The following MSL2 variants were observed in gnomAD, a reference collection of about 807,000 sequenced individuals.
The protein encoded by MSL2 is MSL complex subunit 2.
In MSL2, 2 loss-of-function variants were observed where a neutral mutation model predicts 35.8. The observed-to-expected ratio is 0.06, with a 90% confidence interval of 0.02 to 0.18. MSL2 has a LOEUF of 0.18. Ranked by LOEUF, MSL2 falls within the 10% of genes least tolerant of loss-of-function variation. The pLI is 1.00. For missense variants in MSL2, 523 were observed against 706.7 expected, an observed-to-expected ratio of 0.74 and a Z score of 2.95; for synonymous variants, 296 against 255.7, an observed-to-expected ratio of 1.16 and a Z score of -1.50.
Position 136,195,923 on chromosome 3 carries a change from T to A in MSL2, c.-810A>T. 1 of 629,558 alleles carries A rather than the reference T, an allele frequency of 1.6e-6. No homozygotes were observed. The highest frequency in any genetic ancestry group is 2.0e-6 in the Non-Finnish European group (1 of 506,642). 39.0% of individuals were successfully genotyped at this position (629,558 alleles called of 1,614,324 possible). A position where few individuals can be genotyped will look rare whatever the true frequency, so the allele number is the denominator to read the frequency against. On this transcript the variant is annotated 5_prime_UTR_variant, in exon 1 of 2. Coordinates refer to ENST00000309993, the MANE Select transcript of MSL2 (RefSeq NM_018133.4). ...CGCGGCGGCGCCCCTCGCGCCTCAG[T>A]CGCACACTCCGGGGTCACCAGACTC... is the stretch of plus-strand genomic sequence containing the variant.
In MSL2 at chr3:136,151,988, A is replaced by G. The variant is rs996575678; in HGVS notation, c.893T>C (p.Val298Ala). 1.2e-6 allele frequency: 2 copies of G among 1,614,238 alleles called. No individual in the cohort carries two copies. Among genetic ancestry groups the G allele is most frequent in the East Asian group, 2.2e-5 (1 of 44,888 alleles). Residue 298 changes from valine to alanine, a missense_variant, in exon 2 of 2, where the codon GTA (valine) becomes GCA (alanine). Physicochemically the swap from Val to Ala is moderately conservative, Grantham distance 64. Coordinates refer to ENST00000309993, the MANE Select transcript of MSL2 (RefSeq NM_018133.4). This position sits in a 1 kb window ranked among gnomAD's most constrained non-coding sequence, Gnocchi z 5.2. ...AAGCTGCAGAAAAGGTCCATTGGAT[A>G]CAGTGGCTTCCAAGTTCGGCTGCAA... ...PNLQPNLEAT[V>A]SNGPFLQLSS...
chr3:136,178,669 A>G (rs1940251109), intron 1 of MSL2, among the ~76,000 whole-genome samples: 1 of 151,256 alleles, frequency 6.6e-6, no homozygotes. Flanking sequence ...AGTAGCTGGG[A>G]AATTACAGGC....
intron 1 of MSL2, among the ~76,000 whole-genome samples, chr3:136,193,436 G>A (rs1390085597): frequency 4.6e-5 from 7 of 152,036 alleles, no homozygotes; most frequent in African/African-American, 1.7e-4. Context: ...CAGCAGGACA[G>A]AGTGGGCCCT....
intron 1 of MSL2, among the ~76,000 whole-genome samples, chr3:136,177,852 G>GAAA (rs955742115): frequency 6.6e-6 from 1 of 152,068 alleles, no homozygotes; most frequent in African/African-American, 2.4e-5. Flanking sequence ...TGGAGGTGAA[G>GAAA]AAAAAGAACA....
At chr3:136,192,919 T>C (rs531346800) in intron 1 of MSL2, among the ~76,000 whole-genome samples, 31 of 152,296 alleles carry the variant, frequency 2.0e-4, no homozygotes, top group Admixed American at 1.2e-3. Flanking sequence ...TTTTTTTCTA[T>C]GTCTTTATAA....
At chr3:136,166,366 C>G (rs1239208577) in intron 1 of MSL2, among the ~76,000 whole-genome samples, 1 of 150,886 alleles carries the variant, frequency 6.6e-6, no homozygotes, top group Non-Finnish European at 1.5e-5. Context: ...CCAGCCTGGG[C>G]GACAGAGCGA....
Position 136,195,995 on chromosome 3 carries a change from A to C in MSL2, c.-882T>G. On this transcript the variant is annotated 5_prime_UTR_variant, in exon 1 of 2. Transcript: ENST00000309993. Reference sequence around the variant, plus strand: ...CGGCCATTTTTTCGGCGCCACACACACAGACGACTCCTCCGCCGAGCACGA... The same window carrying C: ...CGGCCATTTTTTCGGCGCCACACACCCAGACGACTCCTCCGCCGAGCACGA... 5.1e-6 allele frequency: 1 copy of C among 195,428 alleles called. No individual in the cohort carries two copies. Among genetic ancestry groups the C allele is most frequent in the Non-Finnish European group, 9.3e-6 (1 of 108,036 alleles). The allele number at this position is 195,428 out of a possible 1,614,324, so 12.1% of individuals were successfully genotyped here.
At chr3:136,192,617 T>C (rs1449794350) in intron 1 of MSL2, among the ~76,000 whole-genome samples, 1 of 151,432 alleles carries the variant, frequency 6.6e-6, no homozygotes, top group Non-Finnish European at 1.5e-5. Context: ...AAAAAGCATG[T>C]TTGAAAGGAC....
At chr3:136,194,169 G>T (rs1217237771) in intron 1 of MSL2, among the ~76,000 whole-genome samples, 1 of 152,078 alleles carries the variant, frequency 6.6e-6, no homozygotes, top group Non-Finnish European at 1.5e-5. Context: ...TTTCAGTCCA[G>T]GTTTTTCGAA....
At chr3:136,186,543 C>A (rs1940529850) in intron 1 of MSL2, among the ~76,000 whole-genome samples, 1 of 152,128 alleles carries the variant, frequency 6.6e-6, no homozygotes, top group Non-Finnish European at 1.5e-5. Context: ...CTGAGCTCTG[C>A]CTGTCAGATC....
chr3:136,184,761 G>GGGGGGGA, intron 1 of MSL2, among the ~76,000 whole-genome samples: 1 of 124,520 alleles, frequency 8.0e-6, no homozygotes, highest in Non-Finnish European at 1.7e-5. Context: ...GGGGGGGGGG[G>GGGGGGGA]GGACAAAGGT....
intron 1 of MSL2, among the ~76,000 whole-genome samples, chr3:136,188,303 G>A (rs1940579650): frequency 2.6e-5 from 4 of 152,024 alleles, no homozygotes; most frequent in Admixed American, 1.3e-4. Context: ...GCGTGGTGGG[G>A]CATGCCTATA....
At chr3:136,164,211 G>A (rs1430514441) in intron 1 of MSL2, among the ~76,000 whole-genome samples, 1 of 152,184 alleles carries the variant, frequency 6.6e-6, no homozygotes, top group Non-Finnish European at 1.5e-5. Flanking sequence ...AAATCATGGA[G>A]AAGTTTCTCC....
chr3:136,166,155 G>T (rs1006523831), intron 1 of MSL2, among the ~76,000 whole-genome samples: 1 of 151,184 alleles, frequency 6.6e-6, no homozygotes, highest in African/African-American at 2.4e-5. Context: ...TTGGGAGGCC[G>T]AGGTGGGCGG....
At chr3:136,192,167 G>C (rs78730460) in intron 1 of MSL2, among the ~76,000 whole-genome samples, 6,607 of 152,282 alleles carry the variant, frequency 0.043, 502 homozygotes, top group African/African-American at 0.15. Flanking sequence ...GTTTAGACAA[G>C]AAAGATAACT....
intron 1 of MSL2, among the ~76,000 whole-genome samples, chr3:136,168,729 A>G (rs938209704): frequency 6.6e-6 from 1 of 152,030 alleles, no homozygotes; most frequent in Non-Finnish European, 1.5e-5. Context: ...CGTTCTGCAC[A>G]TGTATCCCAG....
chr3:136,159,334 T>C (rs1015534141), intron 1 of MSL2, among the ~76,000 whole-genome samples: 2 of 145,156 alleles, frequency 1.4e-5, no homozygotes, highest in Non-Finnish European at 3.0e-5. Flanking sequence ...GATGATTCAA[T>C]GGGGAAAGGA....
rs143505183 is a variant in MSL2, at chr3:136,151,909, A to G, written c.972T>C (p.His324=). ...GAGTTGCTGCTGTACATGATAACCC[A>G]TGAAGTGCAGGACTGGTGGACATAA... ...NVFMSTSPAL[H]GLSCTAATPK... The change falls in exon 2 of 2, where the codon CAT becomes CAC. Residue 324 remains histidine, a synonymous_variant. Transcript: ENST00000309993. The surrounding 1 kb of genome is among the most constrained non-coding windows in gnomAD (Gnocchi z 5.2). 3.5e-5 allele frequency: 57 copies of G among 1,614,070 alleles called. 1 individual carries two copies. The highest frequency in any genetic ancestry group is 5.0e-5 in the Admixed American group (3 of 60,002).
chr3:136,166,527 T>C (rs1032714664), intron 1 of MSL2, among the ~76,000 whole-genome samples: 4 of 152,156 alleles, frequency 2.6e-5, no homozygotes, highest in African/African-American at 9.7e-5. Flanking sequence ...TTAAAACAAA[T>C]TTAACATAGA....
Sources: gnomAD v4.1 joint callset for allele counts (sites outside exome capture counted in the v4.1 genomes callset) on GRCh38, gnomAD v4.1.1 for gene constraint, Gnocchi (gnomAD v3.1) non-coding constraint, MANE v1.5 for transcripts, NCBI Gene and HGNC (gene_info 2026-07-23, HGNC 2026-07-21) for gene names.